The following WDR44 variants were observed in gnomAD, a reference collection of about 807,000 sequenced individuals.
The protein encoded by WDR44 is WD repeat-containing protein 44.
In WDR44, 9 loss-of-function variants were observed where a neutral mutation model predicts 65.7. That is an observed-to-expected ratio of 0.14 (90% CI 0.08 to 0.24). The LOEUF (loss-of-function observed/expected upper bound fraction) is 0.24, where lower values mean the gene tolerates loss of function less well. WDR44 is among the 10% of genes least tolerant of loss of function. The pLI, the probability that WDR44 is intolerant of heterozygous loss-of-function variation, is 1.00. For synonymous variants in WDR44, 220 were observed against 235.2 expected (o/e 0.94, Z 0.59); for missense variants, 425 against 670.9 (o/e 0.63, Z 4.05).
intron 8 of WDR44, among the ~76,000 whole-genome samples, 182 bp downstream of exon 8, chrX:118,398,652 C>T (rs2056886700): frequency 8.9e-6 from 1 of 112,602 alleles, no homozygotes; most frequent in African/African-American, 3.2e-5. Flanking sequence ...CTGGGCTGGG[C>T]GCAATGGCTC....
chrX:118,371,077 A>G (rs2147678207), intron 1 of WDR44, among the ~76,000 whole-genome samples: 1 of 112,008 alleles, frequency 8.9e-6, no homozygotes, highest in African/African-American at 3.2e-5. Flanking sequence ...TCTGAAAGGA[A>G]GACATACAGA....
intron 12 of WDR44, among the ~76,000 whole-genome samples, chrX:118,422,081 A>G (rs932584202): frequency 2.7e-5 from 3 of 111,675 alleles, no homozygotes; most frequent in Non-Finnish European, 5.6e-5. Context: ...GTGTTGTAGC[A>G]TTTAACTGCT....
In WDR44 at chrX:118,442,202, T is replaced by C. The variant is rs1477469219; in HGVS notation, c.2167-42T>C. 2.7e-6 allele frequency: 3 copies of C among 1,100,346 alleles called. No homozygotes were observed. The East Asian group carries it at 9.1e-5, about 33-fold the overall frequency. 90.7% of individuals were successfully genotyped at this position (1,100,346 alleles called of 1,213,427 possible). The stretch of plus-strand genomic sequence containing the variant: ...AGTTACAGATACGAGCCACCACACA[T>C]GCTCCTAATTCTAATATGTTAAATG... On this transcript the variant is annotated intron_variant, in intron 15 of 19. Coordinates refer to ENST00000254029, the MANE Select transcript of WDR44 (RefSeq NM_019045.5).
intron 12 of WDR44, among the ~76,000 whole-genome samples, chrX:118,419,443 G>A (rs923783870): frequency 4.5e-5 from 5 of 110,739 alleles, no homozygotes; most frequent in African/African-American, 1.7e-4. Context: ...GCAAACAGAC[G>A]TTCAGTTTCC....
chrX:118,391,011 C>G (rs1482601441), intron 3 of WDR44, among the ~76,000 whole-genome samples: 5 of 111,751 alleles, frequency 4.5e-5, no homozygotes, highest in Non-Finnish European at 9.4e-5. Flanking sequence ...GCTACCTAAC[C>G]CAAAGGCCTG....
At chrX:118,436,991 TCTG>T (rs10590176) in intron 14 of WDR44, among the ~76,000 whole-genome samples, 167 bp downstream of exon 14, 29,261 of 111,061 alleles carry the variant, frequency 0.26, 3,143 homozygotes, top group African/African-American at 0.39. Flanking sequence ...AAGGAAATAT[TCTG>T]CTGATCTGCA....
intron 1 of WDR44, among the ~76,000 whole-genome samples, chrX:118,368,615 A>AC (rs1235537100): frequency 1.9e-5 from 2 of 105,887 alleles, no homozygotes; most frequent in African/African-American, 7.0e-5. Flanking sequence ...GGTTTGCATG[A>AC]CATCACAGGG....
At chrX:118,378,737 G>GTGTGTGTGT (rs1335941501) in intron 2 of WDR44, among the ~76,000 whole-genome samples, 2 of 60,522 alleles carry the variant, frequency 3.3e-5, no homozygotes, top group African/African-American at 4.1e-4. Flanking sequence ...TGTGTGTGTT[G>GTGTGTGTGT]AAAAAGTGAT....
At chrX:118,448,509 C>T (rs2057366844) in intron 19 of WDR44, among the ~76,000 whole-genome samples, 2 of 111,910 alleles carry the variant, frequency 1.8e-5, no homozygotes, top group Non-Finnish European at 3.8e-5. Context: ...TAGCAACAGA[C>T]TTGCCCAGCT....
chrX:118,419,205 G>C lies in WDR44; in HGVS notation c.1737+8246G>C, dbSNP rs918085429. Among the ~76,000 whole-genome samples, 5 of 111,276 alleles carry C rather than the reference G, an allele frequency of 4.5e-5. No individual in the cohort carries two copies. In the Admixed American group the frequency reaches 4.8e-4, roughly 11 times the overall value. ...CCCCCTTCTGGCCAGGAGGCTTCTC[G>C]CCAGTTCAAATTGTTACAAAGTTCA... is the stretch of plus-strand genomic sequence containing the variant. On this transcript the variant is annotated intron_variant, in intron 12 of 19. Transcript: ENST00000254029.
chrX:118,394,333 C>A, intron 5 of WDR44, 148 bp downstream of exon 5: 1 of 798,692 alleles, frequency 1.3e-6, no homozygotes, highest in Non-Finnish European at 1.7e-6. Context: ...AGCTCTGCTA[C>A]ATGCTAACTG....
chrX:118,430,415 G>A (rs1314003409), intron 12 of WDR44, among the ~76,000 whole-genome samples: 1 of 106,469 alleles, frequency 9.4e-6, no homozygotes, highest in Non-Finnish European at 1.9e-5. Context: ...GGTGGCAGGC[G>A]CCTGTAATCC....
rs36033722 is a variant in WDR44, at chrX:118,440,120, CAAAA to C, written c.1975-1236_1975-1233del. Among the ~76,000 whole-genome samples, 14 of 68,701 alleles carry C rather than the reference CAAAA, an allele frequency of 2.0e-4. 1 individual carries two copies. The highest frequency in any genetic ancestry group is 5.9e-4 in the African/African-American group (12 of 20,194). 59.7% of individuals were successfully genotyped at this position (68,701 alleles called of 115,157 possible). A position where few individuals can be genotyped will look rare whatever the true frequency, so the allele number is the denominator to read the frequency against. On this transcript the variant is annotated intron_variant, in intron 14 of 19. Transcript: ENST00000254029. ...GGGCAACAAACTGAGACCCCATCAC[CAAAA>C]AAAAAAAAAAAGAAAGAAAGAAAGA... is the stretch of plus-strand genomic sequence containing the variant.
chrX:118,404,835 G>A (rs932330914), intron 9 of WDR44, among the ~76,000 whole-genome samples: 1 of 110,173 alleles, frequency 9.1e-6, no homozygotes, highest in South Asian at 3.9e-4. Context: ...CGAGTAGCTG[G>A]GACTACAGGC....
intron 2 of WDR44, chrX:118,386,346 C>T: frequency 2.8e-6 from 1 of 355,178 alleles, no homozygotes; most frequent in Non-Finnish European, 5.5e-6. Flanking sequence ...ATATGATTGT[C>T]TTATTTTACC....
chrX:118,358,304 A>G (rs1020144966), intron 1 of WDR44, among the ~76,000 whole-genome samples: 16 of 112,473 alleles, frequency 1.4e-4, no homozygotes, highest in East Asian at 2.8e-4. Flanking sequence ...TTAAAAAGCC[A>G]TATGTCTTTC....
chrX:118,386,397 T>C lies in WDR44; in HGVS notation c.112-943T>C, dbSNP rs188834116. Reference sequence around the variant, plus strand: ...AGAAATGCAGTATCCATTTCTAACCTCCCAAATATATATATATATGTACGT... The same window carrying C: ...AGAAATGCAGTATCCATTTCTAACCCCCCAAATATATATATATATGTACGT... On this transcript the variant is annotated intron_variant, in intron 2 of 19. Coordinates refer to ENST00000254029, the MANE Select transcript of WDR44 (RefSeq NM_019045.5). 8.4e-5 allele frequency: 30 copies of C among 358,573 alleles called. No individual in the cohort carries two copies. In the East Asian group the frequency reaches 2.5e-3, roughly 29 times the overall value. 29.6% of individuals were successfully genotyped at this position (358,573 alleles called of 1,213,427 possible).
At chrX:118,419,983 A>G (rs2057090264) in intron 12 of WDR44, among the ~76,000 whole-genome samples, 3 of 111,129 alleles carry the variant, frequency 2.7e-5, no homozygotes, top group East Asian at 5.7e-4. Flanking sequence ...AATCAAAAAT[A>G]CTCCATTACT....
At chrX:118,431,066 C>A (rs2057206096) in intron 12 of WDR44, among the ~76,000 whole-genome samples, 1 of 111,560 alleles carries the variant, frequency 9.0e-6, no homozygotes, top group African/African-American at 3.3e-5. Flanking sequence ...AGTTTTTAAT[C>A]TATCCCCATG....
Sources: gnomAD v4.1 joint callset for allele counts (sites outside exome capture counted in the v4.1 genomes callset) on GRCh38, gnomAD v4.1.1 for gene constraint, MANE v1.5 for transcripts, NCBI Gene and HGNC (gene_info 2026-07-23, HGNC 2026-07-21) for gene names.